RARB: variants seen among roughly 807,000 people sequenced by gnomAD.
The protein encoded by RARB is retinoic acid receptor beta.
In RARB, 17 loss-of-function variants were observed where a neutral mutation model predicts 51.9. The observed-to-expected ratio is 0.33, with a 90% CI of 0.22 to 0.49. The LOEUF is 0.49. Ranked by LOEUF, RARB falls within the 20% of genes least tolerant of loss-of-function variation. RARB has a pLI of 0.99. For synonymous variants in RARB, 215 were observed against 195.4 expected (o/e 1.10, Z -0.84); for missense variants, 369 against 550.8 (o/e 0.67, Z 3.30).
At chr3:25,367,720 G>C (rs1351782) in intron 5 of RARB, among the ~76,000 whole-genome samples, 62,433 of 149,290 alleles carry the variant, frequency 0.42, 13,660 homozygotes, top group East Asian at 0.75. Context: ...CAGCTACCTG[G>C]AGGGCTGGGG....
intron 5 of RARB, among the ~76,000 whole-genome samples, chr3:25,297,494 C>G (rs1305927053): frequency 6.9e-6 from 1 of 144,404 alleles, no homozygotes; most frequent in Non-Finnish European, 1.5e-5. Context: ...CCTGCTTCCT[C>G]CACAGAGATG....
intron 5 of RARB, among the ~76,000 whole-genome samples, chr3:25,236,115 G>C (rs938200295): frequency 1.3e-5 from 2 of 151,996 alleles, no homozygotes; most frequent in African/African-American, 4.8e-5. Flanking sequence ...TCATATTTCT[G>C]ATTCATTCAT....
chr3:24,969,358 C>T (rs1456405324), intron 2 of RARB, among the ~76,000 whole-genome samples: 1 of 151,998 alleles, frequency 6.6e-6, no homozygotes, highest in Non-Finnish European at 1.5e-5. Flanking sequence ...ATTATATAGC[C>T]AAAGTGCCTC....
chr3:25,400,197 A>G (rs1274521333), intron 5 of RARB, among the ~76,000 whole-genome samples: 1 of 152,182 alleles, frequency 6.6e-6, no homozygotes, highest in Non-Finnish European at 1.5e-5. Context: ...TCCTCTGTCC[A>G]TAGACAGGAT....
intron 3 of RARB, among the ~76,000 whole-genome samples, chr3:25,543,055 G>A (rs1001888793): frequency 2.6e-5 from 4 of 152,308 alleles, no homozygotes; most frequent in African/African-American, 9.6e-5. Context: ...GGTAATGTCT[G>A]TTGACATTTA....
chr3:25,241,588 A>T (rs2125396321), intron 5 of RARB, among the ~76,000 whole-genome samples: 1 of 152,250 alleles, frequency 6.6e-6, no homozygotes, highest in East Asian at 1.9e-4. Context: ...TTTCAGTGTT[A>T]GTTTGCTGAG....
chr3:25,258,750 A>G (rs953731384), intron 5 of RARB, among the ~76,000 whole-genome samples: 33 of 152,290 alleles, frequency 2.2e-4, no homozygotes, highest in Middle Eastern at 3.4e-3. Flanking sequence ...ATGCTACCTC[A>G]TAACACAGGA....
chr3:24,912,972 A>ATTTTTTTTT lies in RARB; in HGVS notation c.-380+54222_-380+54223insTTTTTTTTT, dbSNP rs71622787. Among the ~76,000 whole-genome samples, 49 of 57,610 alleles carry ATTTTTTTTT rather than the reference A, an allele frequency of 8.5e-4. 3 individuals are homozygous for ATTTTTTTTT. Among genetic ancestry groups the ATTTTTTTTT allele is most frequent in the African/African-American group, 2.2e-3 (40 of 18,366 alleles). The allele number at this position is 57,610 out of a possible 152,430, so 37.8% of individuals were successfully genotyped here. On this transcript the variant is annotated intron_variant, in intron 2 of 11. Coordinates refer to the RARB transcript ENST00000383772. ...GTGGCAATACGCACACAAGGTACTG[A>ATTTTTTTTT]TTCTTTTTTTTTTTTTTTTTTTTTT...
intron 2 of RARB, among the ~76,000 whole-genome samples, chr3:24,933,397 GTTTT>G (rs1431686750): frequency 6.6e-6 from 1 of 151,990 alleles, no homozygotes; most frequent in Non-Finnish European, 1.5e-5. Context: ...CATAGGTGCA[GTTTT>G]TGCAGTTTTT....
At chr3:25,083,717 A>C (rs957975411) in intron 3 of RARB, among the ~76,000 whole-genome samples, 1 of 152,042 alleles carries the variant, frequency 6.6e-6, no homozygotes, top group Non-Finnish European at 1.5e-5. Flanking sequence ...GGCATAGTAA[A>C]TGCTATGTTG....
intron 5 of RARB, among the ~76,000 whole-genome samples, chr3:25,365,478 T>A (rs1005541970): frequency 6.6e-6 from 1 of 152,066 alleles, no homozygotes; most frequent in African/African-American, 2.4e-5. Flanking sequence ...ACAATTGTTG[T>A]GTAACAAACC....
intron 2 of RARB, among the ~76,000 whole-genome samples, chr3:24,954,723 C>T (rs1695971685): frequency 6.6e-6 from 1 of 151,962 alleles, no homozygotes; most frequent in Admixed American, 6.6e-5. Flanking sequence ...GGGGTTCTTT[C>T]CCCAAGCTGA....
At chr3:25,400,144 A>G (rs1707225688) in intron 5 of RARB, among the ~76,000 whole-genome samples, 1 of 152,184 alleles carries the variant, frequency 6.6e-6, no homozygotes, top group African/African-American at 2.4e-5. Context: ...TGCATAGCCA[A>G]GAACAACTAA....
chr3:25,497,110 C>T lies in RARB; in HGVS notation c.307-4072C>T, dbSNP rs145070270. Among the ~76,000 whole-genome samples, 541 of 152,288 alleles carry T rather than the reference C, an allele frequency of 3.6e-3. 4 individuals are homozygous for T. Among genetic ancestry groups the T allele is most frequent in the African/African-American group, 0.012 (518 of 41,552 alleles). On this transcript the variant is annotated intron_variant, in intron 2 of 7. Transcript: ENST00000330688. ...CGTTGGTCAGGCTGGTCTCGAACTC[C>T]CGACCCTCAGGTGATCCGCCCACCT...
chr3:25,368,061 C>T (rs1404909188), intron 5 of RARB, among the ~76,000 whole-genome samples: 1 of 152,142 alleles, frequency 6.6e-6, no homozygotes, highest in African/African-American at 2.4e-5. Context: ...AAAAGACTTT[C>T]CTTTATTCTA....
At chr3:25,014,029 G>A (rs558353153) in intron 2 of RARB, among the ~76,000 whole-genome samples, 1 of 151,984 alleles carries the variant, frequency 6.6e-6, no homozygotes, top group Non-Finnish European at 1.5e-5. Context: ...TCCAACTTCA[G>A]TTCTCTACTC....
intron 1 of RARB, among the ~76,000 whole-genome samples, chr3:25,459,529 A>G (rs904492169): frequency 6.6e-6 from 1 of 152,218 alleles, no homozygotes; most frequent in Non-Finnish European, 1.5e-5. Flanking sequence ...TTGAACAACT[A>G]TCTTGACTGC....
intron 5 of RARB, among the ~76,000 whole-genome samples, chr3:25,257,994 C>G (rs572604538): frequency 1.3e-5 from 2 of 152,130 alleles, no homozygotes; most frequent in African/African-American, 4.8e-5. Flanking sequence ...TACTGACTTA[C>G]GTTGTAATGA....
chr3:25,356,081 A>G (rs992806519), intron 5 of RARB, among the ~76,000 whole-genome samples: 1 of 152,164 alleles, frequency 6.6e-6, no homozygotes, highest in African/African-American at 2.4e-5. Flanking sequence ...TACAAGATCT[A>G]TTTCTTGCTG....
Sources: allele counts gnomAD v4.1 joint callset (sites outside exome capture counted in the v4.1 genomes callset), GRCh38; gene constraint gnomAD v4.1.1; transcripts MANE v1.5; gene names NCBI Gene and HGNC (gene_info 2026-07-23, HGNC 2026-07-21).